PDE7B: variants seen among roughly 807,000 people sequenced by gnomAD.
The protein encoded by PDE7B is 3',5'-cyclic-AMP phosphodiesterase 7B.
PDE7B carries 29 observed loss-of-function variants against 56.2 expected under a neutral mutation model. The observed-to-expected ratio is 0.52, with a 90% confidence interval of 0.38 to 0.70. The LOEUF is 0.70. Among genes scored for constraint, PDE7B ranks in the 30% least tolerant of loss-of-function variants. The probability of loss-of-function intolerance (pLI) is 0.00; values close to 1 mark genes in which losing one functional copy is unlikely to be tolerated. For synonymous variants in PDE7B, 197 were observed against 196.9 expected, an observed-to-expected ratio of 1.00 and a Z score of 0.00; for missense variants, 490 against 565.0, an observed-to-expected ratio of 0.87 and a Z score of 1.35.
rs972232842 is a variant in PDE7B, at chr6:136,098,145, G to T, written c.83-10586G>T. The T allele has an allele frequency of 4.8e-5, 6 of 123,832 alleles. 1 individual carries two copies. The highest frequency in any genetic ancestry group is 8.3e-5 in the Non-Finnish European group (5 of 60,020). The allele number at this position is 123,832 out of a possible 1,614,324, so 7.7% of individuals were successfully genotyped here. A position where few individuals can be genotyped will look rare whatever the true frequency, so the allele number is the denominator to read the frequency against. On this transcript the variant is annotated intron_variant, in intron 2 of 12. Coordinates refer to ENST00000308191, the MANE Select transcript of PDE7B (RefSeq NM_018945.4). ...TCTCTTTAGTTCCTGGGGGGGGGGG[G>T]GGAAATATATGTATATATATACACA...
chr6:136,050,188 T>C (rs1027039871), intron 2 of PDE7B, among the ~76,000 whole-genome samples: 6 of 152,258 alleles, frequency 3.9e-5, no homozygotes, highest in Admixed American at 3.3e-4. Context: ...ATACTTAACG[T>C]CTCCGTGATG....
chr6:136,160,508 C>A (rs748740284), intron 8 of PDE7B, among the ~76,000 whole-genome samples: 6 of 152,120 alleles, frequency 3.9e-5, no homozygotes, highest in Non-Finnish European at 5.9e-5. Context: ...CAAGCCTGCT[C>A]GCCACCCTTT....
At chr6:136,170,527 A>G (rs1778861735) in intron 8 of PDE7B, among the ~76,000 whole-genome samples, 1 of 152,114 alleles carries the variant, frequency 6.6e-6, no homozygotes, top group African/African-American at 2.4e-5. Flanking sequence ...TACTCTAGGT[A>G]CCTCATACAC....
chr6:136,163,188 C>T (rs1778737786), intron 8 of PDE7B, among the ~76,000 whole-genome samples: 1 of 152,240 alleles, frequency 6.6e-6, no homozygotes, highest in African/African-American at 2.4e-5. Flanking sequence ...GGTTCTGCCC[C>T]TACAGAAACT....
chr6:135,917,152 T>C (rs1773968809), intron 1 of PDE7B, among the ~76,000 whole-genome samples: 1 of 152,188 alleles, frequency 6.6e-6, no homozygotes, highest in South Asian at 2.1e-4. Context: ...TTATAGCAGG[T>C]TGTAAAATCA....
intron 1 of PDE7B, among the ~76,000 whole-genome samples, chr6:135,893,179 T>C (rs1456667188): frequency 1.3e-5 from 2 of 151,306 alleles, no homozygotes; most frequent in Non-Finnish European, 2.9e-5. Flanking sequence ...TAACTCGTCA[T>C]TTAACATTAG....
chr6:135,913,520 A>G (rs1776246389), intron 1 of PDE7B, among the ~76,000 whole-genome samples: 1 of 152,146 alleles, frequency 6.6e-6, no homozygotes, highest in Admixed American at 6.5e-5. Context: ...TGATCTTGCC[A>G]GTCTTCCATT....
intron 2 of PDE7B, among the ~76,000 whole-genome samples, chr6:136,036,260 G>T (rs1224909210): frequency 6.6e-6 from 1 of 152,150 alleles, no homozygotes; most frequent in African/African-American, 2.4e-5. Flanking sequence ...AAAAGGAAGG[G>T]CACATCTTTC....
intron 2 of PDE7B, among the ~76,000 whole-genome samples, chr6:135,949,871 A>G (rs1414854325): frequency 1.3e-5 from 2 of 152,164 alleles, no homozygotes; most frequent in Admixed American, 6.6e-5. Context: ...CAAAGATAAT[A>G]TTATGCTTAG....
chr6:135,934,885 T>A (rs1315985663), intron 1 of PDE7B, among the ~76,000 whole-genome samples: 3 of 101,440 alleles, frequency 3.0e-5, no homozygotes, highest in African/African-American at 1.4e-4. Context: ...AAATATTTAT[T>A]TAAATATATA....
chr6:135,963,026 A>T (rs2048605504), intron 2 of PDE7B, among the ~76,000 whole-genome samples: 2 of 152,192 alleles, frequency 1.3e-5, no homozygotes, highest in South Asian at 4.1e-4. Flanking sequence ...TGCAGTAGGG[A>T]TGGGTGAGAG....
At chr6:136,076,766 G>A (rs1425552399) in intron 2 of PDE7B, among the ~76,000 whole-genome samples, 1 of 152,076 alleles carries the variant, frequency 6.6e-6, no homozygotes, top group Non-Finnish European at 1.5e-5. Flanking sequence ...TTGAAAGTAT[G>A]CTATTCTGGA....
intron 3 of PDE7B, among the ~76,000 whole-genome samples, chr6:136,123,523 A>G (rs1777973249): frequency 6.6e-6 from 1 of 152,236 alleles, no homozygotes; most frequent in Non-Finnish European, 1.5e-5. Context: ...GTCTTCAAAG[A>G]TAAGTGCTGC....
chr6:135,950,889 A>G (rs914447582), intron 2 of PDE7B, among the ~76,000 whole-genome samples: 2 of 152,198 alleles, frequency 1.3e-5, no homozygotes, highest in African/African-American at 2.4e-5. Flanking sequence ...TAAATGAGAC[A>G]TAAGTGTAAA....
intron 2 of PDE7B, among the ~76,000 whole-genome samples, chr6:136,020,219 A>G (rs556957088): frequency 3.3e-5 from 5 of 152,276 alleles, no homozygotes; most frequent in Admixed American, 3.3e-4. Context: ...AGTTGTTCAA[A>G]TGGATGTTTC....
At chr6:136,100,619 G>A (rs1227065647) in intron 2 of PDE7B, among the ~76,000 whole-genome samples, 1 of 152,136 alleles carries the variant, frequency 6.6e-6, no homozygotes, top group Non-Finnish European at 1.5e-5. Context: ...CATTGATTTT[G>A]TATCCTGAGA....
At chr6:136,055,059 G>T (rs576340181) in intron 2 of PDE7B, among the ~76,000 whole-genome samples, 1 of 152,190 alleles carries the variant, frequency 6.6e-6, no homozygotes, top group African/African-American at 2.4e-5. Context: ...CATTGTGAGG[G>T]TCTGTAAAAC....
intron 2 of PDE7B, 63 bp downstream of exon 2, chr6:135,947,587 G>C: frequency 7.8e-7 from 1 of 1,280,420 alleles, no homozygotes; most frequent in African/African-American, 1.5e-5. Flanking sequence ...TTATCATTCT[G>C]TTGCCTTTTT....
At chr6:136,080,846 T>A (rs972496668) in intron 2 of PDE7B, among the ~76,000 whole-genome samples, 1 of 152,166 alleles carries the variant, frequency 6.6e-6, no homozygotes, top group Non-Finnish European at 1.5e-5. Context: ...GATATGGCGA[T>A]GAATGCTAGG....
Sources: allele counts gnomAD v4.1 joint callset (sites outside exome capture counted in the v4.1 genomes callset), GRCh38; gene constraint gnomAD v4.1.1; transcripts MANE v1.5; gene names NCBI Gene and HGNC (gene_info 2026-07-23, HGNC 2026-07-21).